The following MAN2B2 variants were observed in gnomAD, a reference collection of about 807,000 sequenced individuals.
MAN2B2 encodes mannosidase alpha class 2B member 2.
Under a neutral mutation model 117.1 loss-of-function variants are expected in MAN2B2, and 106 were observed. The ratio of observed to expected loss-of-function variants is 0.90; its 90% CI spans 0.77 to 1.06. The LOEUF is 1.06. Among genes scored for constraint, MAN2B2 ranks in the 50% least tolerant of loss-of-function variants. MAN2B2 has a pLI of 0.00. For synonymous variants in MAN2B2, 544 were observed against 595.1 expected (o/e 0.91, Z 1.25); for missense variants, 1,326 against 1,381.4 (o/e 0.96, Z 0.64).
At chr4:6,601,376 G>A (rs1727321820) in intron 10 of MAN2B2, among the ~76,000 whole-genome samples, 1 of 152,028 alleles carries the variant, frequency 6.6e-6, no homozygotes, top group Admixed American at 6.6e-5. Flanking sequence ...GTGGTAGCAT[G>A]CACTGGTATA....
At chr4:6,620,981 G>C (rs928538102) in intron 18 of MAN2B2, 16 of 540,064 alleles carry the variant, frequency 3.0e-5, no homozygotes, top group Non-Finnish European at 4.6e-5. Flanking sequence ...GCCATAGGCC[G>C]TTGCCACGGT....
chr4:6,614,154 C>A, intron 15 of MAN2B2, 64 bp from the exon 16 acceptor site: 1 of 1,581,696 alleles, frequency 6.3e-7, no homozygotes, highest in Middle Eastern at 1.8e-4. Flanking sequence ...GTGCAGAGCT[C>A]TGAGTGCCAG....
intron 17 of MAN2B2, 158 bp downstream of exon 17, chr4:6,617,650 G>C: frequency 1.4e-6 from 2 of 1,442,316 alleles, no homozygotes; most frequent in Non-Finnish European, 1.9e-6. Flanking sequence ...TTCTGGGTTT[G>C]TCAGGTATTA....
chr4:6,606,373 G>T (rs1406919039), intron 11 of MAN2B2, among the ~76,000 whole-genome samples: 2 of 152,250 alleles, frequency 1.3e-5, no homozygotes, highest in Non-Finnish European at 2.9e-5. Context: ...AGCATGGGTG[G>T]CTGGCAAGGG....
At chr4:6,579,192 GCACCACCACCATCACCATCACCACCAC>G (rs1726263326) in intron 3 of MAN2B2, among the ~76,000 whole-genome samples, 1 of 5,146 alleles carries the variant, frequency 1.9e-4, no homozygotes, top group Non-Finnish European at 4.8e-4. Flanking sequence ...ACCATCACCA[GCACCACCACCATCACCATCACCACCAC>G]CACCACCACC....
chr4:6,605,962 G>A (rs989430349), intron 11 of MAN2B2, among the ~76,000 whole-genome samples: 1 of 152,128 alleles, frequency 6.6e-6, no homozygotes, highest in African/African-American at 2.4e-5. Flanking sequence ...AGCTATTTGT[G>A]GACATCAGAG....
chr4:6,598,144 T>C lies in MAN2B2; in HGVS notation c.1249-54T>C, dbSNP rs1387522515. ...CGCCTAGTAGGTGCCTTGTAGGTGC[T>C]TTGCAGAGTCAGGTCCTGATCCTGT... On this transcript the variant is annotated intron_variant, in intron 8 of 18. Coordinates refer to ENST00000285599, the MANE Select transcript of MAN2B2 (RefSeq NM_015274.3). The C allele has an allele frequency of 1.9e-6, 3 of 1,579,370 alleles. No homozygotes were observed. The African/African-American group carries it at 4.0e-5, about 21-fold the overall frequency.
In MAN2B2 at chr4:6,591,906, C is replaced by T. The variant is rs537455729; in HGVS notation, c.681-1267C>T. ...ATTCTCCCTGTGATACCTCACAGAC[C>T]CTCGCAGCAGCCCACTGACGGAGAT... On this transcript the variant is annotated intron_variant, in intron 5 of 18. Transcript: ENST00000285599. 5.3e-5 allele frequency among the ~76,000 whole-genome samples: 8 copies of T among 152,308 alleles called. No homozygotes were observed. In the South Asian group the frequency reaches 1.7e-3, roughly 32 times the overall value.
intron 11 of MAN2B2, among the ~76,000 whole-genome samples, chr4:6,607,395 GTGTTTCACCA>G (rs1182370637): frequency 8.5e-5 from 13 of 152,086 alleles, no homozygotes. Flanking sequence ...TGCAGAGATG[GTGTTTCACCA>G]TGTTGCCCAG....
chr4:6,609,722 T>C (rs926151043), intron 12 of MAN2B2, 76 bp from the exon 13 acceptor site: 3 of 532,852 alleles, frequency 5.6e-6, no homozygotes, highest in Non-Finnish European at 3.6e-6. Context: ...CCTGCCCACA[T>C]GAAGGAAGGG....
intron 15 of MAN2B2, among the ~76,000 whole-genome samples, chr4:6,611,719 G>A (rs551187260): frequency 1.4e-3 from 219 of 152,296 alleles, no homozygotes; most frequent in Middle Eastern, 3.4e-3. Flanking sequence ...GCTTGAACCC[G>A]GGAGGCAGAG....
chr4:6,581,219 C>T lies in MAN2B2; in HGVS notation c.391+2721C>T, dbSNP rs559103856. On this transcript the variant is annotated intron_variant, in intron 3 of 18. Transcript: ENST00000285599. ...ATGGGACCCAGATCCAACCCTAGCC[C>T]GGCCGAGTCAGGAAGGTTACTTGTG... 9.6e-4 allele frequency among the ~76,000 whole-genome samples: 146 copies of T among 152,270 alleles called. 2 individuals carry two copies. In the South Asian group the frequency reaches 0.029, roughly 31 times the overall value.
chr4:6,613,715 A>AG (rs1444324041), intron 15 of MAN2B2, among the ~76,000 whole-genome samples: 1 of 81,348 alleles, frequency 1.2e-5, no homozygotes, highest in Non-Finnish European at 2.3e-5. Flanking sequence ...TGAGGGAGGG[A>AG]GGGGAAGGGA....
intron 3 of MAN2B2, among the ~76,000 whole-genome samples, chr4:6,579,117 TCACCACTACCACCACCAC>T (rs1726226125): frequency 1.8e-4 from 4 of 22,662 alleles, no homozygotes; most frequent in South Asian, 2.3e-3. Flanking sequence ...ACCATCACCA[TCACCACTACCACCACCAC>T]CACCATCACC....
chr4:6,589,125 C>G lies in MAN2B2; in HGVS notation c.645C>G (p.Ser215Arg). Residue 215 changes from serine (S) to arginine (R), a missense_variant, in exon 5 of 19, where the codon AGC becomes AGG. By Grantham distance (110) the Ser-to-Arg change is moderately radical (BLOSUM62 -1). Coordinates refer to ENST00000285599, the MANE Select transcript of MAN2B2 (RefSeq NM_015274.3). ...EIFTHIMDQY[S>R]YCTPSHIPFS... ...TCACGCACATCATGGACCAGTACAG[C>G]TACTGCACCCCGTCCCACATCCCTT... 6.2e-7 allele frequency: 1 copy of G among 1,614,200 alleles called. No individual in the cohort carries two copies. Among genetic ancestry groups the G allele is most frequent in the Non-Finnish European group, 8.5e-7 (1 of 1,180,012 alleles).
At chr4:6,609,464 G>A in intron 12 of MAN2B2, 166 bp downstream of exon 12, 2 of 711,246 alleles carry the variant, frequency 2.8e-6, no homozygotes, top group Admixed American at 5.7e-5. Context: ...CATGCTGGCT[G>A]CGTTTGCGTG....
In MAN2B2 at chr4:6,593,452, G is replaced by A; in HGVS notation, c.858+102G>A. The A allele has an allele frequency of 3.3e-6, 4 of 1,223,598 alleles. No homozygotes were observed. In the South Asian group the frequency reaches 6.6e-5, roughly 20 times the overall value. The allele number at this position is 1,223,598 out of a possible 1,614,324, so 75.8% of individuals were successfully genotyped here. ...GGCCACCCTATCCAGACCCAGCTAG[G>A]CAGCCATGCTCAGCCCAGTGGCTCC... On this transcript the variant is annotated intron_variant, in intron 6 of 18. Transcript: ENST00000285599.
chr4:6,593,464 A>C, intron 6 of MAN2B2, 114 bp downstream of exon 6: 1 of 1,055,798 alleles, frequency 9.5e-7, no homozygotes, highest in Non-Finnish European at 1.3e-6. Context: ...AGCCATGCTC[A>C]GCCCAGTGGC....
At chr4:6,609,070 G>T (rs1340838507) in intron 11 of MAN2B2, 37 bp from the exon 12 acceptor site, 23 of 1,584,866 alleles carry the variant, frequency 1.5e-5, no homozygotes, top group Non-Finnish European at 2.0e-5. Context: ...ACCTTGTGCA[G>T]GATGAGAATG....
Sources: allele counts gnomAD v4.1 joint callset (sites outside exome capture counted in the v4.1 genomes callset), GRCh38; gene constraint gnomAD v4.1.1; transcripts MANE v1.5; gene names NCBI Gene and HGNC (gene_info 2026-07-23, HGNC 2026-07-21).